FARS2: variants seen among roughly 807,000 people sequenced by gnomAD.
FARS2 encodes phenylalanine--tRNA ligase, mitochondrial.
FARS2 carries 40 observed loss-of-function variants against 46.4 expected under a neutral mutation model. The ratio of observed to expected loss-of-function variants is 0.86; its 90% CI spans 0.67 to 1.12. The LOEUF is 1.12. Ranked by LOEUF, FARS2 falls within the 50% of genes most tolerant of loss-of-function variation. FARS2 has a pLI of 0.00. For synonymous variants in FARS2, 234 were observed against 214.9 expected, an observed-to-expected ratio of 1.09 and a Z score of -0.78; for missense variants, 513 against 567.9, an observed-to-expected ratio of 0.90 and a Z score of 0.98.
intron 1 of FARS2, among the ~76,000 whole-genome samples, chr6:5,355,622 G>T (rs1392116913): frequency 6.6e-6 from 1 of 152,038 alleles, no homozygotes; most frequent in Non-Finnish European, 1.5e-5. Context: ...CTCCCAAAGT[G>T]CTGGGATTAC....
At chr6:5,756,465 G>C (rs1257974561) in intron 6 of FARS2, among the ~76,000 whole-genome samples, 3 of 152,228 alleles carry the variant, frequency 2.0e-5, no homozygotes, top group African/African-American at 7.2e-5. Flanking sequence ...ATGGTGAAAG[G>C]GGAAGCAGAC....
intron 6 of FARS2, among the ~76,000 whole-genome samples, chr6:5,747,566 C>T (rs1214341296): frequency 2.6e-5 from 4 of 152,114 alleles, no homozygotes; most frequent in Admixed American, 6.5e-5. Context: ...AACCCCAGTA[C>T]GATGTGGGAG....
chr6:5,369,332 T>A lies in FARS2; in HGVS notation c.612+150T>A, dbSNP rs1758891222. ...CATCCATACTTAATGACATCTTGTGTATAGGTGTGCCCCAGTACTTTTTGA... is the reference window on the plus strand; with the variant it reads ...CATCCATACTTAATGACATCTTGTGAATAGGTGTGCCCCAGTACTTTTTGA... On this transcript the variant is annotated intron_variant, in intron 2 of 6. Coordinates refer to ENST00000274680, the MANE Select transcript of FARS2 (RefSeq NM_006567.5). 3.9e-6 allele frequency: 3 copies of A among 763,714 alleles called. No individual in the cohort carries two copies. In the South Asian group the frequency reaches 5.5e-5, roughly 14 times the overall value. The allele number at this position is 763,714 out of a possible 1,614,324, so 47.3% of individuals were successfully genotyped here.
At chr6:5,628,710 G>T (rs1776152001) in intron 6 of FARS2, among the ~76,000 whole-genome samples, 1 of 152,250 alleles carries the variant, frequency 6.6e-6, no homozygotes, top group Admixed American at 6.5e-5. Context: ...GAGATGGAGG[G>T]AAAGTGCTGG....
chr6:5,533,189 A>G lies in FARS2; in HGVS notation c.905-11991A>G, dbSNP rs189033685. 2.4e-3 allele frequency among the ~76,000 whole-genome samples: 364 copies of G among 152,268 alleles called. 2 individuals are homozygous for G. Among genetic ancestry groups the G allele is most frequent in the African/African-American group, 8.1e-3 (336 of 41,564 alleles). ...ATACAGTAGAACTCAGCGAATGGTG[A>G]CCAAGGTAGGGGTCAATGAATAGAA... On this transcript the variant is annotated intron_variant, in intron 4 of 6. Transcript: ENST00000274680.
At chr6:5,654,000 C>G (rs1449364690) in intron 6 of FARS2, among the ~76,000 whole-genome samples, 1 of 152,100 alleles carries the variant, frequency 6.6e-6, no homozygotes, top group African/African-American at 2.4e-5. Flanking sequence ...GGCATGGGTG[C>G]TGTGTGTAAG....
intron 5 of FARS2, among the ~76,000 whole-genome samples, chr6:5,564,662 G>T (rs533316736): frequency 3.7e-4 from 57 of 152,290 alleles, no homozygotes; most frequent in Admixed American, 2.6e-3. Context: ...CAGCAAGAAT[G>T]GTTATTTTTA....
chr6:5,473,533 C>CAAAAAAAAAACAAAAAAAAAAA (rs1561645247), intron 4 of FARS2, among the ~76,000 whole-genome samples: 1 of 82,130 alleles, frequency 1.2e-5, no homozygotes, highest in Non-Finnish European at 2.8e-5. Context: ...TCTCAAAAAA[C>CAAAAAAAAAACAAAAAAAAAAA]AAAAAAAAAA....
chr6:5,753,955 A>G (rs1762079786), intron 6 of FARS2, among the ~76,000 whole-genome samples: 1 of 152,262 alleles, frequency 6.6e-6, no homozygotes, highest in Non-Finnish European at 1.5e-5. Flanking sequence ...CCGAAATTTT[A>G]GTTAACATCA....
At chr6:5,268,758 A>G (rs1765730457) in intron 1 of FARS2, among the ~76,000 whole-genome samples, 1 of 152,142 alleles carries the variant, frequency 6.6e-6, no homozygotes, top group African/African-American at 2.4e-5. Context: ...TGGTAGCTTG[A>G]TGGGGATGGC....
chr6:5,710,654 C>T (rs1018964113), intron 6 of FARS2, among the ~76,000 whole-genome samples: 3 of 152,178 alleles, frequency 2.0e-5, no homozygotes, highest in South Asian at 4.1e-4. Flanking sequence ...GAATCTGGGA[C>T]GCGGAAGCAT....
intron 4 of FARS2, among the ~76,000 whole-genome samples, chr6:5,448,846 A>T (rs1392585205): frequency 6.6e-6 from 1 of 152,208 alleles, no homozygotes; most frequent in African/African-American, 2.4e-5. Flanking sequence ...AGCAAAATGG[A>T]GGATGGTGCT....
At chr6:5,701,083 G>A (rs750316486) in intron 6 of FARS2, among the ~76,000 whole-genome samples, 1 of 152,250 alleles carries the variant, frequency 6.6e-6, no homozygotes, top group Non-Finnish European at 1.5e-5. Context: ...GCTGCAAAGG[G>A]TCCAGAAGGA....
intron 1 of FARS2, among the ~76,000 whole-genome samples, chr6:5,320,320 G>T (rs1769878349): frequency 6.6e-6 from 1 of 152,228 alleles, no homozygotes; most frequent in Non-Finnish European, 1.5e-5. Context: ...CAGCTGGAGG[G>T]AGGGGCTGCA....
intron 4 of FARS2, among the ~76,000 whole-genome samples, chr6:5,491,653 G>A (rs1767121287): frequency 1.3e-5 from 2 of 152,162 alleles, no homozygotes; most frequent in Admixed American, 6.5e-5. Flanking sequence ...TTCTGCATAT[G>A]CCATAGCACA....
intron 6 of FARS2, among the ~76,000 whole-genome samples, chr6:5,618,879 T>C (rs1220317712): frequency 6.6e-6 from 1 of 152,210 alleles, no homozygotes; most frequent in Non-Finnish European, 1.5e-5. Context: ...ATATGATGCA[T>C]TGACTAAATG....
chr6:5,393,810 G>A (rs1464155074), intron 2 of FARS2, among the ~76,000 whole-genome samples: 1 of 152,246 alleles, frequency 6.6e-6, no homozygotes, highest in Non-Finnish European at 1.5e-5. Context: ...CTTGCGTGAG[G>A]ATGGAGAACT....
chr6:5,508,770 C>T (rs973635088), intron 4 of FARS2, among the ~76,000 whole-genome samples: 4 of 152,168 alleles, frequency 2.6e-5, no homozygotes, highest in African/African-American at 7.2e-5. Context: ...GCCAGGCAGC[C>T]GTACGCAGGG....
intron 1 of FARS2, among the ~76,000 whole-genome samples, chr6:5,355,436 A>C (rs1757856360): frequency 6.8e-6 from 1 of 146,480 alleles, no homozygotes; most frequent in Non-Finnish European, 1.5e-5. Context: ...AACTCACTGC[A>C]ACCTCTGCCT....
Sources: gnomAD v4.1 joint callset for allele counts (sites outside exome capture counted in the v4.1 genomes callset) on GRCh38, gnomAD v4.1.1 for gene constraint, MANE v1.5 for transcripts, NCBI Gene and HGNC (gene_info 2026-07-23, HGNC 2026-07-21) for gene names.